The following SUZ12 variants were observed in gnomAD, a reference collection of about 807,000 sequenced individuals.
The protein encoded by SUZ12 is polycomb protein SUZ12.
SUZ12 carries 17 observed loss-of-function variants against 87.3 expected under a neutral mutation model. That is an observed-to-expected ratio of 0.19 (90% CI 0.13 to 0.29). The LOEUF (loss-of-function observed/expected upper bound fraction) is 0.29, where lower values mean the gene tolerates loss of function less well. SUZ12 is among the 10% of genes least tolerant of loss of function. The pLI, the probability that SUZ12 is intolerant of heterozygous loss-of-function variation, is 1.00. For missense variants in SUZ12, 526 were observed against 912.2 expected (o/e 0.58, Z 5.45); for synonymous variants, 253 against 312.4 (o/e 0.81, Z 2.01).
chr17:31,968,505 T>A (rs889945663), intron 5 of SUZ12, among the ~76,000 whole-genome samples: 1 of 152,218 alleles, frequency 6.6e-6, no homozygotes, highest in Non-Finnish European at 1.5e-5. Flanking sequence ...GTGCGGGGAT[T>A]ACAGGTGTGA....
chr17:31,940,359 A>G lies in SUZ12; in HGVS notation c.321+27A>G, dbSNP rs370141279. 34 of 1,607,810 alleles carry G rather than the reference A, an allele frequency of 2.1e-5. No homozygotes were observed. The South Asian group carries it at 3.6e-4, about 17-fold the overall frequency. On this transcript the variant is annotated intron_variant, in intron 2 of 15. Coordinates refer to ENST00000322652, the MANE Select transcript of SUZ12 (RefSeq NM_015355.4). The stretch of plus-strand genomic sequence containing the variant: ...TAAGTAGTCAACAAAATTCATCAAT[A>G]TTATTTCTCTCTTATAACTGCATCT...
intron 10 of SUZ12, among the ~76,000 whole-genome samples, chr17:31,990,175 G>A (rs1418526006): frequency 1.8e-4 from 22 of 121,364 alleles, no homozygotes; most frequent in Non-Finnish European, 3.3e-4. Context: ...GGGTTTCACC[G>A]TGTTAGCCAG....
Position 31,993,252 on chromosome 17 carries a change from A to G in SUZ12, c.1212A>G (p.Glu404=). The change falls in exon 11 of 16, where the codon GAA becomes GAG. Residue 404 remains glutamate (E), a synonymous_variant. Coordinates refer to ENST00000322652, the MANE Select transcript of SUZ12 (RefSeq NM_015355.4). ...VKPTQTIAVK[E]SLTTDLQTRK... The stretch of plus-strand genomic sequence containing the variant: ...AGTGTATGTTTTCAGCTGTTAAAGA[A>G]TCATTGACTACAGATCTACAAACAA... The G allele has an allele frequency of 6.4e-7, 1 of 1,572,212 alleles. No homozygotes were observed. The highest frequency in any genetic ancestry group is 1.4e-5 in the African/African-American group (1 of 72,168).
At position 31,951,859 on chromosome 17, in the gene SUZ12, C is replaced by G. The variant is rs530072195; in HGVS notation, c.455+4174C>G. Among the ~76,000 whole-genome samples, 7 of 150,578 alleles carry G rather than the reference C, an allele frequency of 4.6e-5. No homozygotes were observed. The East Asian group carries it at 1.4e-3, about 29-fold the overall frequency. On this transcript the variant is annotated intron_variant, in intron 4 of 15. Coordinates refer to ENST00000322652, the MANE Select transcript of SUZ12 (RefSeq NM_015355.4). ...GTGCGATCTTGGCTCACTGCAACCT[C>G]TGTCCCCCAGGTTCAAGAGATTCTC... is the stretch of plus-strand genomic sequence containing the variant.
In SUZ12 at chr17:32,000,837, CTT is replaced by C. The variant is rs1172296468; in HGVS notation, c.*1836_*1837del. 2 of 226,122 alleles carry C rather than the reference CTT, an allele frequency of 8.8e-6. No individual in the cohort carries two copies. The highest frequency in any genetic ancestry group is 1.8e-5 in the Non-Finnish European group (2 of 113,558). 14.0% of individuals were successfully genotyped at this position (226,122 alleles called of 1,614,324 possible). On this transcript the variant is annotated 3_prime_UTR_variant, in exon 16 of 16. Transcript: ENST00000322652. Reference sequence around the variant, plus strand: ...GTCATCGTAAAAGCTGAAAAAATCCCTTTGTTTCTATTTATAAAAAAAGTGCT... The same window carrying C: ...GTCATCGTAAAAGCTGAAAAAATCCCTGTTTCTATTTATAAAAAAAGTGCT...
In SUZ12 at chr17:31,993,280, AAAG is replaced by A; in HGVS notation, c.1243_1245del (p.Glu415del). On this transcript the variant is annotated inframe_deletion, in exon 11 of 16. Coordinates refer to ENST00000322652, the MANE Select transcript of SUZ12 (RefSeq NM_015355.4). ...ATTGACTACAGATCTACAAACAAGAAAAGAAAAGGATACTCCAAATGAAAACCG... is the reference window on the plus strand; with the variant it reads ...ATTGACTACAGATCTACAAACAAGAAAAAAGGATACTCCAAATGAAAACCG... 1.3e-6 allele frequency: 2 copies of A among 1,587,874 alleles called. No individual in the cohort carries two copies. The highest frequency in any genetic ancestry group is 1.9e-5 in the Admixed American group (1 of 51,988).
At chr17:31,972,400 T>A (rs1393851940) in intron 5 of SUZ12, among the ~76,000 whole-genome samples, 8 of 149,402 alleles carry the variant, frequency 5.4e-5, no homozygotes, top group Admixed American at 2.7e-4. Flanking sequence ...TATATATATA[T>A]ATATAAATAG....
intron 6 of SUZ12, among the ~76,000 whole-genome samples, chr17:31,974,659 A>G (rs1378330633): frequency 1.3e-5 from 2 of 152,218 alleles, no homozygotes; most frequent in African/African-American, 2.4e-5. Flanking sequence ...GGAAGAATAT[A>G]CACAGCCAAC....
chr17:31,963,103 C>T (rs574459937), intron 4 of SUZ12, among the ~76,000 whole-genome samples: 323 of 151,914 alleles, frequency 2.1e-3, no homozygotes, highest in African/African-American at 7.5e-3. Flanking sequence ...ATATGAATTG[C>T]TTATACAGAA....
chr17:31,957,755 A>G (rs563021468), intron 4 of SUZ12, among the ~76,000 whole-genome samples: 89 of 151,250 alleles, frequency 5.9e-4, no homozygotes, highest in African/African-American at 2.1e-3. Flanking sequence ...CATGTTGGCC[A>G]GGCTGGCCTC....
chr17:31,966,385 G>C lies in SUZ12; in HGVS notation c.505+189G>C, dbSNP rs1331438058. The C allele has an allele frequency of 1.2e-5, 7 of 571,216 alleles. No individual in the cohort carries two copies. The African/African-American group carries it at 1.3e-4, about 11-fold the overall frequency. The allele number at this position is 571,216 out of a possible 1,614,324, so 35.4% of individuals were successfully genotyped here. ...TTTGTTTTTGGTGGATGGGGGTGCA[G>C]AGTGAAGGCTGGAGTGCAATGTTAT... On this transcript the variant is annotated intron_variant, in intron 5 of 15. Transcript: ENST00000322652.
intron 4 of SUZ12, among the ~76,000 whole-genome samples, chr17:31,956,345 C>T (rs34858475): frequency 6.6e-5 from 10 of 151,988 alleles, no homozygotes; most frequent in African/African-American, 2.2e-4. Context: ...AGGCGTGTGC[C>T]ACCATGCCTG....
chr17:31,952,129 C>T (rs1019664073), intron 4 of SUZ12, among the ~76,000 whole-genome samples: 54 of 152,084 alleles, frequency 3.6e-4, no homozygotes, highest in Non-Finnish European at 8.8e-5. Context: ...GCACAAGTGG[C>T]TGCTCACTGC....
intron 12 of SUZ12, chr17:31,994,345 G>T: frequency 4.3e-6 from 2 of 468,164 alleles, no homozygotes; most frequent in Middle Eastern, 5.5e-4. Flanking sequence ...GCTCAACCAA[G>T]AAATAATTTG....
chr17:31,984,658 T>C (rs1435838674), intron 9 of SUZ12, among the ~76,000 whole-genome samples: 2 of 152,198 alleles, frequency 1.3e-5, no homozygotes, highest in Non-Finnish European at 2.9e-5. Context: ...ATAAGAAATA[T>C]GTGTCAAGGA....
rs528198604 is a variant in SUZ12, at chr17:31,944,278, G to A, written c.387-3339G>A. Among the ~76,000 whole-genome samples, 25 of 151,970 alleles carry A rather than the reference G, an allele frequency of 1.6e-4. No homozygotes were observed. In the South Asian group the frequency reaches 2.1e-3, roughly 13 times the overall value. On this transcript the variant is annotated intron_variant, in intron 3 of 15. Coordinates refer to ENST00000322652, the MANE Select transcript of SUZ12 (RefSeq NM_015355.4). ...CGAGTAGCTGGGATTACAGGCATGC[G>A]CCACCATGCCTGGCTCATTTTGTAT...
At chr17:31,946,393 G>A (rs775024683) in intron 3 of SUZ12, among the ~76,000 whole-genome samples, 2 of 152,078 alleles carry the variant, frequency 1.3e-5, no homozygotes, top group African/African-American at 4.8e-5. Context: ...TTAGCCAGGC[G>A]TGGTGGTGCA....
chr17:31,950,357 A>G (rs1906891654), intron 4 of SUZ12, among the ~76,000 whole-genome samples: 1 of 152,226 alleles, frequency 6.6e-6, no homozygotes, highest in Non-Finnish European at 1.5e-5. Context: ...AGCAATATAA[A>G]TATTTGCTTC....
intron 15 of SUZ12, among the ~76,000 whole-genome samples, chr17:31,997,938 G>A (rs570649940): frequency 1.3e-5 from 2 of 152,104 alleles, no homozygotes; most frequent in Admixed American, 6.6e-5. Flanking sequence ...ATTCCTTTGT[G>A]GCTAAAAGTA....
Sources: gnomAD v4.1 joint callset for allele counts (sites outside exome capture counted in the v4.1 genomes callset) on GRCh38, gnomAD v4.1.1 for gene constraint, MANE v1.5 for transcripts, NCBI Gene and HGNC (gene_info 2026-07-23, HGNC 2026-07-21) for gene names.